The following TEX14 variants were observed in gnomAD, a reference collection of about 807,000 sequenced individuals.
TEX14 encodes inactive serine/threonine-protein kinase TEX14.
TEX14 carries 168 observed loss-of-function variants against 178.6 expected under a neutral mutation model. That is an observed-to-expected ratio of 0.94 (90% CI 0.83 to 1.07). TEX14 has a LOEUF of 1.07. TEX14 is among the 50% of genes least tolerant of loss of function. The probability of loss-of-function intolerance (pLI) is 0.00; values close to 1 mark genes in which losing one functional copy is unlikely to be tolerated. For synonymous variants in TEX14, 626 were observed against 634.1 expected (o/e 0.99, Z 0.19); for missense variants, 1,730 against 1,753.6 (o/e 0.99, Z 0.24).
intron 3 of TEX14, among the ~76,000 whole-genome samples, chr17:58,623,850 AAAG>A (rs1223971769): frequency 6.6e-6 from 1 of 151,884 alleles, no homozygotes; most frequent in Non-Finnish European, 1.5e-5. Flanking sequence ...GGAGGAGGAG[AAAG>A]AAAAGGATGA....
intron 2 of TEX14, chr17:58,631,845 T>G (rs430973): frequency 0.24 from 36,460 of 152,156 alleles, 5,268 homozygotes; most frequent in Middle Eastern, 0.41. Flanking sequence ...TTAATGTCCA[T>G]TTATGTGCCT....
chr17:58,655,455 T>C (rs2046937099), intron 1 of TEX14, among the ~76,000 whole-genome samples: 1 of 152,152 alleles, frequency 6.6e-6, no homozygotes, highest in South Asian at 2.1e-4. Context: ...GTGCTGGGAT[T>C]ACAGGCAGAA....
At chr17:58,630,656 T>C in intron 2 of TEX14, 102 bp from the exon 3 acceptor site, 1 of 763,024 alleles carries the variant, frequency 1.3e-6, no homozygotes, top group Non-Finnish European at 2.2e-6. Context: ...TGTACTTTCA[T>C]ATATTGCTGT....
In TEX14 at chr17:58,621,659, A is replaced by G; in HGVS notation, c.545T>C (p.Leu182Pro). Residue 182 changes from leucine (L) to proline (P), a missense_variant, in exon 5 of 32, where the codon CTC becomes CCC. Physicochemically the swap from Leu to Pro is moderately conservative, Grantham distance 98 (BLOSUM62 -3). Coordinates refer to ENST00000349033, the MANE Select transcript of TEX14 (RefSeq NM_031272.5). ...TCAAGGCAGTACTCACCCCTGCACG[A>G]GGCCCCCACACCAGGACGGGCTGTA... ...LVYSPSWCGG[L>P]VQGNPNGSPN... The G allele has an allele frequency of 6.2e-7, 1 of 1,613,552 alleles. No individual in the cohort carries two copies. Among genetic ancestry groups the G allele is most frequent in the Non-Finnish European group, 8.5e-7 (1 of 1,179,774 alleles).
chr17:58,689,838 G>GGC (rs1334459713), intron 1 of TEX14, among the ~76,000 whole-genome samples: 1 of 150,942 alleles, frequency 6.6e-6, no homozygotes, highest in Non-Finnish European at 1.5e-5. Flanking sequence ...TATAGGCAAG[G>GGC]GCCAGAAGAT....
chr17:58,680,013 T>C (rs1332149949), intron 1 of TEX14, among the ~76,000 whole-genome samples: 1 of 152,072 alleles, frequency 6.6e-6, no homozygotes, highest in Non-Finnish European at 1.5e-5. Context: ...GATTAAAAGG[T>C]AAATAACGTA....
chr17:58,587,843 A>ACC, intron 16 of TEX14, 53 bp downstream of exon 16: 26 of 1,118,800 alleles, frequency 2.3e-5, no homozygotes, highest in Non-Finnish European at 3.1e-5. Context: ...GGGTGCCAGA[A>ACC]CCCACCCCCA....
intron 3 of TEX14, among the ~76,000 whole-genome samples, chr17:58,628,585 G>A (rs191590935): frequency 1.3e-5 from 2 of 152,186 alleles, no homozygotes; most frequent in East Asian, 1.9e-4. Context: ...GGTGGCACGC[G>A]CTTGTAGTCC....
At chr17:58,626,859 G>T (rs1474996919) in intron 3 of TEX14, among the ~76,000 whole-genome samples, 1 of 152,076 alleles carries the variant, frequency 6.6e-6, no homozygotes, top group Non-Finnish European at 1.5e-5. Context: ...AACAGAGTGA[G>T]ACTTCATCAA....
At chr17:58,578,250 C>A (rs1239515553) in intron 20 of TEX14, among the ~76,000 whole-genome samples, 1 of 152,188 alleles carries the variant, frequency 6.6e-6, no homozygotes, top group African/African-American at 2.4e-5. Context: ...TTGGGGGTTC[C>A]TCTTCCTCTG....
chr17:58,691,359 A>G (rs1240401503), intron 1 of TEX14, among the ~76,000 whole-genome samples: 2 of 151,902 alleles, frequency 1.3e-5, no homozygotes, highest in East Asian at 3.9e-4. Flanking sequence ...TGGGAAGAAA[A>G]GTCAAGACTA....
At chr17:58,653,518 C>T (rs748872156) in intron 1 of TEX14, among the ~76,000 whole-genome samples, 2 of 152,120 alleles carry the variant, frequency 1.3e-5, no homozygotes, top group East Asian at 1.9e-4. Flanking sequence ...GTTTAGGTCA[C>T]GGGGGCACCA....
chr17:58,602,703 T>A (rs2045486533), intron 11 of TEX14, 113 bp from the exon 12 acceptor site: 1 of 689,674 alleles, frequency 1.4e-6, no homozygotes, highest in Non-Finnish European at 2.3e-6. Context: ...AACTTCTTTA[T>A]TTTTTTTTCT....
chr17:58,585,601 C>A (rs2044937879), intron 18 of TEX14, among the ~76,000 whole-genome samples, 200 bp downstream of exon 18: 1 of 150,814 alleles, frequency 6.6e-6, no homozygotes, highest in Non-Finnish European at 1.5e-5. Flanking sequence ...GCCACCACGC[C>A]CAGCTAATGT....
intron 17 of TEX14, 42 bp from the exon 18 acceptor site, chr17:58,586,124 C>T: frequency 6.4e-7 from 1 of 1,555,364 alleles, no homozygotes; most frequent in Non-Finnish European, 8.7e-7. Flanking sequence ...TCACTGTAAA[C>T]ACTGGAAACA....
chr17:58,571,495 C>G (rs2044528131), intron 24 of TEX14, among the ~76,000 whole-genome samples: 1 of 151,928 alleles, frequency 6.6e-6, no homozygotes, highest in African/African-American at 2.4e-5. Flanking sequence ...GCCTCGGTCT[C>G]CCAAAGTGCT....
At chr17:58,576,297 C>G (rs2044674223) in intron 21 of TEX14, among the ~76,000 whole-genome samples, 1 of 152,170 alleles carries the variant, frequency 6.6e-6, no homozygotes, top group African/African-American at 2.4e-5. Flanking sequence ...ATCAACCTGG[C>G]CAACATGGTG....
At chr17:58,645,267 C>T (rs1378500070) in intron 2 of TEX14, among the ~76,000 whole-genome samples, 4 of 152,160 alleles carry the variant, frequency 2.6e-5, no homozygotes, top group South Asian at 2.1e-4. Flanking sequence ...GGATTACAGG[C>T]GTGAGCCACC....
chr17:58,572,077 G>T lies in TEX14; in HGVS notation c.3561C>A (p.Ile1187=). ...ASQYKDCLES[I]TFQVKTEFAS... ...CAAACTCTGTCTTAACCTGAAATGT[G>T]ATACTTTCAAGGCAGTCTTTATACT... The change falls in exon 24 of 32, where the codon ATC becomes ATA. Residue 1187 remains isoleucine, a synonymous_variant. Coordinates refer to ENST00000349033, the MANE Select transcript of TEX14 (RefSeq NM_031272.5). The T allele has an allele frequency of 6.2e-7, 1 of 1,614,114 alleles. No individual in the cohort carries two copies. Among genetic ancestry groups the T allele is most frequent in the South Asian group, 1.1e-5 (1 of 91,074 alleles).
Sources: allele counts gnomAD v4.1 joint callset (sites outside exome capture counted in the v4.1 genomes callset), GRCh38; gene constraint gnomAD v4.1.1; transcripts MANE v1.5; gene names NCBI Gene and HGNC (gene_info 2026-07-23, HGNC 2026-07-21).